Variants in FIGN observed in about 807,000 individuals in gnomAD.
FIGN encodes the protein fidgetin.
FIGN carries 11 observed loss-of-function variants against 51.3 expected under a neutral mutation model. The observed-to-expected ratio is 0.21, with a 90% confidence interval of 0.13 to 0.35. FIGN has a LOEUF of 0.35. Among genes scored for constraint, FIGN ranks in the 10% least tolerant of loss-of-function variants. The probability of loss-of-function intolerance (pLI) is 1.00; values close to 1 mark genes in which losing one functional copy is unlikely to be tolerated. For missense variants in FIGN, 857 were observed against 943.6 expected (o/e 0.91, Z 1.20); for synonymous variants, 407 against 363.2 (o/e 1.12, Z -1.37).
intron 2 of FIGN, among the ~76,000 whole-genome samples, chr2:163,719,757 A>C (rs1684725256): frequency 6.6e-6 from 1 of 152,190 alleles, no homozygotes; most frequent in Non-Finnish European, 1.5e-5. Flanking sequence ...AAGAAAAACG[A>C]AGAATCACTT....
Position 163,610,543 on chromosome 2 carries a change from T to G in FIGN, c.1289A>C (p.His430Pro), listed in dbSNP as rs1296598887. ...GKYTSPVMSE[H>P]GDEHRQLLSH... The stretch of plus-strand genomic sequence containing the variant: ...GAGGAGCTGCCTGTGCTCGTCCCCA[T>G]GCTCACTCATTACTGGCGATGTGTA... The change falls in exon 3 of 3, where the codon CAT (histidine) becomes CCT (proline). Residue 430 changes from histidine (H) to proline (P), a missense_variant. Coordinates refer to ENST00000333129, the MANE Select transcript of FIGN (RefSeq NM_018086.4). The G allele has an allele frequency of 1.5e-5, 25 of 1,614,172 alleles. No homozygotes were observed. The East Asian group carries it at 5.1e-4, about 33-fold the overall frequency.
rs189492041 is a variant in FIGN, at chr2:163,604,588, G to A, written c.*4964C>T. On this transcript the variant is annotated 3_prime_UTR_variant, in exon 3 of 3. Coordinates refer to ENST00000333129, the MANE Select transcript of FIGN (RefSeq NM_018086.4). ...GTTCAAGGACAAGTCTTTTTCTTAC[G>A]AAATGCATGACATTCAAAAAAAGAC... 3.3e-5 allele frequency: 5 copies of A among 151,916 alleles called. No individual in the cohort carries two copies. In the South Asian group the frequency reaches 6.2e-4, roughly 19 times the overall value. 9.4% of individuals were successfully genotyped at this position (151,916 alleles called of 1,614,324 possible).
At chr2:163,633,953 A>T (rs1683186949) in intron 2 of FIGN, among the ~76,000 whole-genome samples, 1 of 152,180 alleles carries the variant, frequency 6.6e-6, no homozygotes, top group South Asian at 2.1e-4. Flanking sequence ...GTCTCAATTT[A>T]TCTCTTAAAC....
intron 2 of FIGN, among the ~76,000 whole-genome samples, chr2:163,727,033 A>C (rs1476672367): frequency 6.6e-6 from 1 of 152,102 alleles, no homozygotes; most frequent in African/African-American, 2.4e-5. Flanking sequence ...ATACCGAATT[A>C]AGATTTATAA....
At chr2:163,668,106 G>A (rs1210588654) in intron 2 of FIGN, among the ~76,000 whole-genome samples, 2 of 144,760 alleles carry the variant, frequency 1.4e-5, no homozygotes, top group Admixed American at 7.0e-5. Context: ...TGGTATAATA[G>A]AATGGAGAAT....
chr2:163,651,348 G>A (rs1294678342), intron 2 of FIGN, among the ~76,000 whole-genome samples: 1 of 152,148 alleles, frequency 6.6e-6, no homozygotes, highest in Non-Finnish European at 1.5e-5. Context: ...TGTAGTCCCA[G>A]CTACTCGGTA....
In FIGN at chr2:163,607,360, T is replaced by C. The variant is rs1224548502; in HGVS notation, c.*2192A>G. 1 of 152,242 alleles carries C rather than the reference T, an allele frequency of 6.6e-6. No individual in the cohort carries two copies. The highest frequency in any genetic ancestry group is 1.9e-4 in the East Asian group (1 of 5,196). 9.4% of individuals were successfully genotyped at this position (152,242 alleles called of 1,614,324 possible). The stretch of plus-strand genomic sequence containing the variant: ...TATCCTTAATGAAAGGCACTGCTTT[T>C]TAATATGGAATATTTATATTTAAGC... On this transcript the variant is annotated 3_prime_UTR_variant, in exon 3 of 3. Transcript: ENST00000333129.
intron 2 of FIGN, among the ~76,000 whole-genome samples, chr2:163,733,372 G>A (rs906786453): frequency 6.6e-6 from 1 of 152,068 alleles, no homozygotes; most frequent in African/African-American, 2.4e-5. Context: ...GTATCAATAC[G>A]GTGAACAGTC....
intron 2 of FIGN, among the ~76,000 whole-genome samples, chr2:163,715,248 C>T (rs954162509): frequency 4.6e-5 from 7 of 152,276 alleles, no homozygotes; most frequent in Admixed American, 1.3e-4. Context: ...CCTCAGTACT[C>T]GAGCTCACCA....
chr2:163,658,471 G>A (rs1156931491), intron 2 of FIGN, among the ~76,000 whole-genome samples: 1 of 151,128 alleles, frequency 6.6e-6, no homozygotes, highest in Non-Finnish European at 1.5e-5. Context: ...CATTTATAAA[G>A]AAAAAGGTTT....
chr2:163,664,372 A>G (rs951621775), intron 2 of FIGN, among the ~76,000 whole-genome samples: 1 of 152,190 alleles, frequency 6.6e-6, no homozygotes, highest in African/African-American at 2.4e-5. Context: ...GTACATTTCC[A>G]TAGACTTACA....
rs951572652 is a variant in FIGN at position 163,611,813 on chromosome 2, AT to A, written c.26-8del. ...GTCCACTGCATCTTCAAGCCTAAGAATTTTGGGGGGAAAAGAGTTAATTTAC... is the reference window on the plus strand; with the variant it reads ...GTCCACTGCATCTTCAAGCCTAAGAATTTGGGGGGAAAAGAGTTAATTTAC... On this transcript the variant is annotated splice_region_variant and splice_polypyrimidine_tract_variant and intron_variant, in intron 2 of 2. Coordinates refer to ENST00000333129, the MANE Select transcript of FIGN (RefSeq NM_018086.4). 8 of 1,586,346 alleles carry A rather than the reference AT, an allele frequency of 5.0e-6. No homozygotes were observed. The highest frequency in any genetic ancestry group is 1.3e-5 in the African/African-American group (1 of 74,220).
chr2:163,620,044 C>A (rs539442037), intron 2 of FIGN, among the ~76,000 whole-genome samples: 1 of 151,988 alleles, frequency 6.6e-6, no homozygotes, highest in Non-Finnish European at 1.5e-5. Context: ...CATGAGGATG[C>A]GTGTACATGC....
intron 2 of FIGN, among the ~76,000 whole-genome samples, chr2:163,706,017 A>C (rs988693998): frequency 2.6e-5 from 4 of 152,166 alleles, no homozygotes; most frequent in African/African-American, 9.6e-5. Context: ...TGTGGAACAT[A>C]ATCTCAACAT....
rs1359722988 is a variant in FIGN at position 163,676,458 on chromosome 2, TATATATATATATATATATATATATAA to T, written c.25+58419_25+58444del. Reference sequence around the variant, plus strand: ...GAATATATATATATATATATATATATATATATATATATATATATATATATAACTAGAGTCTGTGCACCCGAATCTGA... The same window carrying T: ...GAATATATATATATATATATATATATCTAGAGTCTGTGCACCCGAATCTGA... On this transcript the variant is annotated intron_variant, in intron 2 of 2. Transcript: ENST00000333129. Among the ~76,000 whole-genome samples, 67 of 95,228 alleles carry T rather than the reference TATATATATATATATATATATATATAA, an allele frequency of 7.0e-4. 1 individual carries two copies. The highest frequency in any genetic ancestry group is 7.5e-4 in the South Asian group (2 of 2,656). 62.5% of individuals were successfully genotyped at this position (95,228 alleles called of 152,430 possible). A position where few individuals can be genotyped will look rare whatever the true frequency, so the allele number is the denominator to read the frequency against.
chr2:163,704,820 C>T (rs547867770), intron 2 of FIGN, among the ~76,000 whole-genome samples: 3 of 151,916 alleles, frequency 2.0e-5, no homozygotes, highest in Non-Finnish European at 4.4e-5. Context: ...ATAACCCCAA[C>T]TAAGTGTTCA....
chr2:163,715,603 G>A (rs889796628), intron 2 of FIGN, among the ~76,000 whole-genome samples: 34 of 152,134 alleles, frequency 2.2e-4, no homozygotes, highest in African/African-American at 8.0e-4. Flanking sequence ...GGAAGACAGA[G>A]GAAAGAGGGA....
chr2:163,703,062 A>C (rs1455988653), intron 2 of FIGN, among the ~76,000 whole-genome samples: 1 of 149,548 alleles, frequency 6.7e-6, no homozygotes, highest in East Asian at 2.0e-4. Flanking sequence ...TGCAGAATTT[A>C]GCTGAGACTG....
intron 2 of FIGN, among the ~76,000 whole-genome samples, chr2:163,693,587 GT>G (rs1462677951): frequency 1.1e-4 from 17 of 152,048 alleles, no homozygotes; most frequent in Non-Finnish European, 1.6e-4. Context: ...AATTAGAGTA[GT>G]TACATCAATA....
Sources: gnomAD v4.1 joint callset for allele counts (sites outside exome capture counted in the v4.1 genomes callset) on GRCh38, gnomAD v4.1.1 for gene constraint, MANE v1.5 for transcripts, NCBI Gene and HGNC (gene_info 2026-07-23, HGNC 2026-07-21) for gene names.